GRIK2: variants seen among roughly 807,000 people sequenced by gnomAD.
GRIK2 encodes glutamate ionotropic receptor kainate type subunit 2.
In GRIK2, 32 loss-of-function variants were observed where a neutral mutation model predicts 100.3. The observed-to-expected ratio is 0.32, with a 90% CI of 0.24 to 0.43. The LOEUF (loss-of-function observed/expected upper bound fraction) is 0.43. Among genes scored for constraint, GRIK2 ranks in the 20% least tolerant of loss-of-function variants. The pLI, the probability that GRIK2 is intolerant of heterozygous loss-of-function variation, is 1.00. For missense variants in GRIK2, 843 were observed against 1,114.9 expected (o/e 0.76, Z 3.47); for synonymous variants, 417 against 389.4 (o/e 1.07, Z -0.83).
intron 10 of GRIK2, among the ~76,000 whole-genome samples, chr6:101,839,247 G>A (rs1783349369): frequency 1.3e-5 from 2 of 152,304 alleles, no homozygotes; most frequent in South Asian, 4.1e-4. Flanking sequence ...TAGAGGCAAT[G>A]CCAGTGCTTA....
intron 14 of GRIK2, among the ~76,000 whole-genome samples, chr6:101,935,232 T>C (rs1417174): frequency 0.034 from 5,217 of 152,002 alleles, 319 homozygotes; most frequent in African/African-American, 0.12. Flanking sequence ...AGGGAGGATG[T>C]GTAAATAGCT....
intron 8 of GRIK2, among the ~76,000 whole-genome samples, chr6:101,802,089 A>G (rs921656124): frequency 5.9e-5 from 9 of 151,922 alleles, no homozygotes; most frequent in African/African-American, 1.9e-4. Context: ...TCTCCTAGAC[A>G]GAAAATTGTA....
rs111401737 is a variant in GRIK2 at position 101,800,222 on chromosome 6, A to G, written c.1095+431A>G. Among the ~76,000 whole-genome samples, 1,169 of 152,038 alleles carry G rather than the reference A, an allele frequency of 7.7e-3. 7 individuals are homozygous for G. Among genetic ancestry groups the G allele is most frequent in the Non-Finnish European group, 9.8e-3 (663 of 67,910 alleles). On this transcript the variant is annotated intron_variant, in intron 8 of 16. Coordinates refer to ENST00000369134, the MANE Select transcript of GRIK2 (RefSeq NM_021956.5). ...TCTAGTTATTTAAATTATATTTACA[A>G]TTAACAAAAATAGAATGTATGGATT...
intron 13 of GRIK2, 163 bp from the exon 14 acceptor site, chr6:101,928,252 C>T: frequency 1.7e-6 from 1 of 599,482 alleles, no homozygotes; most frequent in East Asian, 2.8e-5. Flanking sequence ...TGAAAATAGC[C>T]TCTGCTTTCC....
At chr6:101,971,466 C>T (rs572769896) in intron 14 of GRIK2, among the ~76,000 whole-genome samples, 1 of 151,924 alleles carries the variant, frequency 6.6e-6, no homozygotes, top group East Asian at 1.9e-4. Flanking sequence ...ATGTATTATC[C>T]ATTGGAAAGA....
chr6:101,577,951 T>G (rs931628615), intron 2 of GRIK2, among the ~76,000 whole-genome samples: 1 of 152,036 alleles, frequency 6.6e-6, no homozygotes, highest in African/African-American at 2.4e-5. Context: ...TACGAAAGGT[T>G]GAAGTCTAGA....
chr6:101,873,058 T>A (rs1341812943), intron 11 of GRIK2, among the ~76,000 whole-genome samples: 1 of 151,926 alleles, frequency 6.6e-6, no homozygotes, highest in East Asian at 1.9e-4. Context: ...TAGGAAGTAT[T>A]GAGGTAGTTA....
At chr6:101,409,306 A>C (rs1775756091) in intron 2 of GRIK2, among the ~76,000 whole-genome samples, 1 of 152,082 alleles carries the variant, frequency 6.6e-6, no homozygotes, top group Admixed American at 6.6e-5. Flanking sequence ...ATTGGCTGTA[A>C]CATATAGCCT....
At chr6:101,670,197 A>G (rs1770327113) in intron 4 of GRIK2, among the ~76,000 whole-genome samples, 1 of 152,152 alleles carries the variant, frequency 6.6e-6, no homozygotes, top group Admixed American at 6.5e-5. Flanking sequence ...AATAAGTAAT[A>G]TTATTCCAGT....
chr6:101,844,518 C>T (rs1783695069), intron 10 of GRIK2, among the ~76,000 whole-genome samples: 1 of 152,078 alleles, frequency 6.6e-6, no homozygotes, highest in Non-Finnish European at 1.5e-5. Context: ...TTTGTCTGAT[C>T]AAATTAATAG....
At chr6:101,982,734 A>ATAAG (rs1793789978) in intron 14 of GRIK2, among the ~76,000 whole-genome samples, 1 of 151,492 alleles carries the variant, frequency 6.6e-6, no homozygotes, top group Admixed American at 6.6e-5. Context: ...TGGATTAGAC[A>ATAAG]TAAGTGTAGA....
intron 10 of GRIK2, among the ~76,000 whole-genome samples, chr6:101,840,495 A>C (rs1250260792): frequency 2.0e-5 from 3 of 152,202 alleles, no homozygotes; most frequent in Non-Finnish European, 4.4e-5. Flanking sequence ...CACTACAGTG[A>C]CTCAAAAAGA....
intron 7 of GRIK2, among the ~76,000 whole-genome samples, chr6:101,792,418 CT>C (rs1266024556): frequency 2.6e-5 from 4 of 151,846 alleles, no homozygotes; most frequent in Admixed American, 1.3e-4. Flanking sequence ...GACAAAATCT[CT>C]CAGCATTTGC....
In GRIK2 at chr6:101,467,578, C is replaced by T. The variant is rs369445014; in HGVS notation, c.115+68186C>T. ...TTTTAATAGCAAACCCAGAGCTCGA[C>T]CTTCCATTATTCAATATTGCTGTTA... On this transcript the variant is annotated intron_variant, in intron 2 of 16. Coordinates refer to ENST00000369134, the MANE Select transcript of GRIK2 (RefSeq NM_021956.5). Among the ~76,000 whole-genome samples, 26 of 152,246 alleles carry T rather than the reference C, an allele frequency of 1.7e-4. No homozygotes were observed. In the South Asian group the frequency reaches 4.8e-3, roughly 28 times the overall value.
chr6:101,807,248 G>T (rs1412580544), intron 9 of GRIK2, among the ~76,000 whole-genome samples: 1 of 151,874 alleles, frequency 6.6e-6, no homozygotes, highest in East Asian at 1.9e-4. Flanking sequence ...GTGGGTAAAG[G>T]ATTTTAGATT....
At position 101,996,782 on chromosome 6, in the gene GRIK2, G is replaced by A. The variant is rs556825084; in HGVS notation, c.2086-38559G>A. ...TGTGCCCCTTACACTTACTCACCAA[G>A]GCTTGGCCGTGGGTTTGTTATATTG... On this transcript the variant is annotated intron_variant, in intron 14 of 16. Coordinates refer to ENST00000369134, the MANE Select transcript of GRIK2 (RefSeq NM_021956.5). Among the ~76,000 whole-genome samples the A allele has an allele frequency of 1.2e-4, 19 of 152,148 alleles. No individual in the cohort carries two copies. The East Asian group carries it at 3.7e-3, about 30-fold the overall frequency.
intron 2 of GRIK2, among the ~76,000 whole-genome samples, chr6:101,561,996 T>C (rs1239283348): frequency 1.3e-5 from 2 of 152,120 alleles, no homozygotes; most frequent in African/African-American, 2.4e-5. Context: ...GTAGTATAGA[T>C]AGTGGTCAAG....
At chr6:101,825,529 T>G (rs1279115483) in intron 10 of GRIK2, among the ~76,000 whole-genome samples, 1 of 152,052 alleles carries the variant, frequency 6.6e-6, no homozygotes, top group Non-Finnish European at 1.5e-5. Context: ...ACCTCATTTT[T>G]TACTTCATAT....
intron 12 of GRIK2, among the ~76,000 whole-genome samples, chr6:101,913,000 A>T (rs1582521457): frequency 6.6e-6 from 1 of 151,578 alleles, no homozygotes; most frequent in Non-Finnish European, 1.5e-5. Context: ...AAATAGTATG[A>T]TTCTGGATAT....
Sources: allele counts gnomAD v4.1 joint callset (sites outside exome capture counted in the v4.1 genomes callset), GRCh38; gene constraint gnomAD v4.1.1; transcripts MANE v1.5; gene names NCBI Gene and HGNC (gene_info 2026-07-23, HGNC 2026-07-21).